TSPAN7: variants seen among roughly 807,000 people sequenced by gnomAD.
The protein encoded by TSPAN7 is tetraspanin 7.
A neutral mutation model predicts 17.6 loss-of-function variants in TSPAN7; 1 was observed. The ratio of observed to expected loss-of-function variants is 0.06; its 90% CI spans 0.02 to 0.27. TSPAN7 has a LOEUF of 0.27. Among genes scored for constraint, TSPAN7 ranks in the 10% least tolerant of loss-of-function variants. TSPAN7 has a pLI of 1.00. For missense variants in TSPAN7, 112 were observed against 201.7 expected (o/e 0.56, Z 2.69); for synonymous variants, 78 against 79.0 (o/e 0.99, Z 0.07).
chrX:38,666,061 C>G, intron 1 of TSPAN7, 60 bp from the exon 2 acceptor site: 11 of 1,160,390 alleles, frequency 9.5e-6, no homozygotes, highest in African/African-American at 1.8e-5. Flanking sequence ...GGCCACATTG[C>G]TCTGTGCTGA....
At chrX:38,573,502 T>C (rs889122320) in intron 1 of TSPAN7, among the ~76,000 whole-genome samples, 1 of 112,204 alleles carries the variant, frequency 8.9e-6, no homozygotes, top group Non-Finnish European at 1.9e-5. Flanking sequence ...AGAGTTCCCA[T>C]ATATCATACC....
chrX:38,593,082 C>T (rs1485116287), intron 1 of TSPAN7, among the ~76,000 whole-genome samples: 1 of 110,569 alleles, frequency 9.0e-6, no homozygotes, highest in African/African-American at 3.3e-5. Context: ...AGATGTTTCT[C>T]CTAGATTTTT....
At chrX:38,633,849 A>C (rs897674234) in intron 1 of TSPAN7, among the ~76,000 whole-genome samples, 3 of 112,468 alleles carry the variant, frequency 2.7e-5, no homozygotes, top group African/African-American at 9.7e-5. Flanking sequence ...CTGCTTGTCT[A>C]AGAAAATGCT....
chrX:38,582,712 G>T (rs1399788409), intron 1 of TSPAN7, among the ~76,000 whole-genome samples: 1 of 112,515 alleles, frequency 8.9e-6, no homozygotes, highest in Non-Finnish European at 1.9e-5. Context: ...AGCAGAATGT[G>T]TAAAGTTGTG....
intron 1 of TSPAN7, among the ~76,000 whole-genome samples, chrX:38,604,201 C>G (rs1204280491): frequency 9.7e-6 from 1 of 103,297 alleles, no homozygotes; most frequent in Admixed American, 1.1e-4. Flanking sequence ...AGGACATGAA[C>G]TCATCATTTT....
chrX:38,579,509 C>T (rs1379817591), intron 1 of TSPAN7, among the ~76,000 whole-genome samples: 2 of 110,942 alleles, frequency 1.8e-5, no homozygotes, highest in Admixed American at 1.9e-4. Context: ...TCACTTGAAC[C>T]TTGGAGGCAG....
intron 2 of TSPAN7, among the ~76,000 whole-genome samples, chrX:38,666,665 C>G (rs896027204): frequency 9.2e-6 from 1 of 108,521 alleles, no homozygotes; most frequent in African/African-American, 3.4e-5. Context: ...ATGGCGCAAT[C>G]TCTGCTCACT....
At chrX:38,648,596 G>A (rs1412579383) in intron 1 of TSPAN7, among the ~76,000 whole-genome samples, 1 of 111,642 alleles carries the variant, frequency 9.0e-6, no homozygotes, top group African/African-American at 3.3e-5. Flanking sequence ...CTACAGGTGT[G>A]GGCCACCATG....
At chrX:38,615,164 G>A (rs1320134241) in intron 1 of TSPAN7, among the ~76,000 whole-genome samples, 4 of 111,012 alleles carry the variant, frequency 3.6e-5, no homozygotes, top group Admixed American at 9.6e-5. Context: ...TTTTCCCCTC[G>A]AGTGTTGAGG....
chrX:38,685,205 G>A (rs2069920319), intron 6 of TSPAN7, among the ~76,000 whole-genome samples: 2 of 111,834 alleles, frequency 1.8e-5, no homozygotes, highest in Non-Finnish European at 3.8e-5. Context: ...TAGGACAAGA[G>A]GGTACAACCT....
At position 38,675,804 on chromosome X, in the gene TSPAN7, T is replaced by A; in HGVS notation, c.541T>A (p.Cys181Ser). ...PPSCCMNETDCNPQDLHNLTV... is the reference protein window; with the variant it reads ...PPSCCMNETDSNPQDLHNLTV... ...CAGCTGCTGCATGAACGAAACTGATTGTAATCCCCAGGATCTACACAATCT... is the reference window on the plus strand; with the variant it reads ...CAGCTGCTGCATGAACGAAACTGATAGTAATCCCCAGGATCTACACAATCT... Residue 181 changes from cysteine (C) to serine (S), a missense_variant, in exon 5 of 8, where the codon TGT becomes AGT. Cys to Ser is a moderately radical substitution (Grantham distance 112). Coordinates refer to ENST00000378482, the MANE Select transcript of TSPAN7 (RefSeq NM_004615.4). The A allele has an allele frequency of 8.4e-7, 1 of 1,190,426 alleles. No individual in the cohort carries two copies. Among genetic ancestry groups the A allele is most frequent in the Non-Finnish European group, 1.1e-6 (1 of 885,714 alleles).
intron 1 of TSPAN7, among the ~76,000 whole-genome samples, chrX:38,630,675 C>T (rs1254042789): frequency 8.9e-6 from 1 of 111,883 alleles, no homozygotes. Flanking sequence ...ATTTGGGGAG[C>T]CAGCATGTCT....
intron 3 of TSPAN7, among the ~76,000 whole-genome samples, chrX:38,672,984 C>T (rs1269451014): frequency 1.8e-5 from 2 of 112,285 alleles, no homozygotes; most frequent in Non-Finnish European, 3.8e-5. Flanking sequence ...TGTGTACAGT[C>T]CCCCATCCTA....
intron 5 of TSPAN7, among the ~76,000 whole-genome samples, chrX:38,680,558 TCTCTCTCTCTCTCTCTCTCTC>T (rs2069883337): frequency 1.0e-5 from 1 of 98,136 alleles, no homozygotes; most frequent in African/African-American, 4.6e-5. Flanking sequence ...TCTCTCTCTC[TCTCTCTCTCTCTCTCTCTCTC>T]TCTCTGGAAA....
chrX:38,651,583 T>C (rs1042216170), intron 1 of TSPAN7, among the ~76,000 whole-genome samples: 2 of 112,224 alleles, frequency 1.8e-5, no homozygotes, highest in Non-Finnish European at 3.8e-5. Flanking sequence ...GACATCTTCG[T>C]TGTGCTTTGA....
intron 5 of TSPAN7, among the ~76,000 whole-genome samples, chrX:38,680,277 T>C (rs2069880945): frequency 9.0e-6 from 1 of 111,696 alleles, no homozygotes; most frequent in African/African-American, 3.2e-5. Context: ...GTTAAATTGT[T>C]AAATTTGAAC....
At chrX:38,681,427 G>T (rs1453038391) in intron 6 of TSPAN7, 140 bp downstream of exon 6, 1 of 532,222 alleles carries the variant, frequency 1.9e-6, no homozygotes, top group African/African-American at 2.3e-5. Flanking sequence ...TAGTCCTCAG[G>T]TGATCTGTTT....
At chrX:38,606,976 G>A (rs772628439) in intron 1 of TSPAN7, among the ~76,000 whole-genome samples, 1 of 111,261 alleles carries the variant, frequency 9.0e-6, no homozygotes, top group Non-Finnish European at 1.9e-5. Context: ...ATGTGGAGAA[G>A]GACAGCCTGA....
chrX:38,628,636 T>G (rs984399857), intron 1 of TSPAN7, among the ~76,000 whole-genome samples: 5 of 112,263 alleles, frequency 4.5e-5, no homozygotes, highest in Middle Eastern at 4.6e-3. Flanking sequence ...AAGCTCCTTA[T>G]GTTATATTCA....
Sources: gnomAD v4.1 joint callset for allele counts (sites outside exome capture counted in the v4.1 genomes callset) on GRCh38, gnomAD v4.1.1 for gene constraint, MANE v1.5 for transcripts, NCBI Gene and HGNC (gene_info 2026-07-23, HGNC 2026-07-21) for gene names.